VWC2: variants seen among roughly 807,000 people sequenced by gnomAD.
VWC2 encodes the protein brorin.
Under a neutral mutation model 29.8 loss-of-function variants are expected in VWC2, and 14 were observed. The observed-to-expected ratio is 0.47, with a 90% confidence interval of 0.31 to 0.74. The LOEUF (loss-of-function observed/expected upper bound fraction) is 0.74, where lower values mean the gene tolerates loss of function less well. Among genes scored for constraint, VWC2 ranks in the 30% least tolerant of loss-of-function variants. The pLI is 0.05. For synonymous variants in VWC2, 213 were observed against 199.0 expected, an observed-to-expected ratio of 1.07 and a Z score of -0.59; for missense variants, 457 against 459.8, an observed-to-expected ratio of 0.99 and a Z score of 0.05.
In VWC2 at chr7:49,916,598, T is replaced by C. The variant is rs554407531; in HGVS notation, c.*4413T>C. 1 of 152,350 alleles carries C rather than the reference T, an allele frequency of 6.6e-6. No individual in the cohort carries two copies. Among genetic ancestry groups the C allele is most frequent in the Non-Finnish European group, 1.5e-5 (1 of 68,030 alleles). The allele number at this position is 152,350 out of a possible 1,614,324, so 9.4% of individuals were successfully genotyped here. A position where few individuals can be genotyped will look rare whatever the true frequency, so the allele number is the denominator to read the frequency against. On this transcript the variant is annotated 3_prime_UTR_variant, in exon 4 of 4. Transcript: ENST00000340652. ...GCTTCTTCTATTATTTACAAATCCC[T>C]TTAGTTTGGGCTGTGAAATATTCAA...
intron 3 of VWC2, among the ~76,000 whole-genome samples, chr7:49,834,224 C>A (rs1789606072): frequency 6.6e-6 from 1 of 152,128 alleles, no homozygotes; most frequent in South Asian, 2.1e-4. Flanking sequence ...GTTATGTGGG[C>A]CTTGAGGCAA....
Position 49,775,853 on chromosome 7 carries a change from G to C in VWC2, c.418G>C (p.Glu140Gln), listed in dbSNP as rs1481376656. The C allele has an allele frequency of 3.2e-6, 5 of 1,552,760 alleles. No individual in the cohort carries two copies. The highest frequency in any genetic ancestry group is 4.4e-6 in the Non-Finnish European group (5 of 1,149,102). The stretch of plus-strand genomic sequence containing the variant: ...TGGCCCGGAACTCGCGCCCACGCCC[G>C]AGCCACCCGAGGAGTACGTGTACCC... ...AIGPELAPTP[E>Q]PPEEYVYPDY... Residue 140 changes from glutamate to glutamine, a missense_variant, in exon 2 of 4, where the codon GAG becomes CAG. Physicochemically the swap from Glu to Gln is conservative, Grantham distance 29. Transcript: ENST00000340652.
rs978417986 is a variant in VWC2, at chr7:49,775,544, G to T, written c.109G>T (p.Ala37Ser). Residue 37 changes from alanine to serine, a missense_variant, in exon 2 of 4, where the codon GCC becomes TCC. Physicochemically the swap from Ala to Ser is moderately conservative, Grantham distance 99. This residue lies in a region of VWC2 where 272 missense variants were observed against 202.7 expected (regional missense o/e 1.34). Coordinates refer to ENST00000340652, the MANE Select transcript of VWC2 (RefSeq NM_198570.5). ...TCCGAGCATCCCGCTGGAGAAGCTG[G>T]CCCAGGCACCAGAGCAGCCGGGCCA... ...CSPSIPLEKLAQAPEQPGQEK... is the reference protein window; with the variant it reads ...CSPSIPLEKLSQAPEQPGQEK... 3.5e-5 allele frequency: 55 copies of T among 1,563,446 alleles called. No individual in the cohort carries two copies. The highest frequency in any genetic ancestry group is 4.7e-5 in the Non-Finnish European group (54 of 1,158,456).
At position 49,917,885 on chromosome 7, in the gene VWC2, T is replaced by C. The variant is rs1253250016; in HGVS notation, c.*5700T>C. 6.6e-6 allele frequency: 1 copy of C among 152,184 alleles called. No homozygotes were observed. The highest frequency in any genetic ancestry group is 1.9e-4 in the East Asian group (1 of 5,200). The allele number at this position is 152,184 out of a possible 1,614,324, so 9.4% of individuals were successfully genotyped here. A position where few individuals can be genotyped will look rare whatever the true frequency, so the allele number is the denominator to read the frequency against. On this transcript the variant is annotated 3_prime_UTR_variant, in exon 4 of 4. Transcript: ENST00000340652. ...CATTCCCTTTACTTTTATATTTACA[T>C]TGTCAAATAAATACAATTCTATTTT...
At chr7:49,896,108 A>G (rs987332953) in intron 3 of VWC2, among the ~76,000 whole-genome samples, 19 of 152,198 alleles carry the variant, frequency 1.2e-4, no homozygotes, top group Non-Finnish European at 5.9e-5. Context: ...TGGGAGGCCA[A>G]AGTGGGTGGA....
chr7:49,893,267 C>T (rs950994983), intron 3 of VWC2, among the ~76,000 whole-genome samples: 19 of 152,034 alleles, frequency 1.2e-4, no homozygotes, highest in African/African-American at 3.4e-4. Flanking sequence ...ATCTAGAATA[C>T]GGCATGTTCC....
At chr7:49,821,657 C>A (rs1789264059) in intron 3 of VWC2, among the ~76,000 whole-genome samples, 1 of 150,090 alleles carries the variant, frequency 6.7e-6, no homozygotes, top group African/African-American at 2.5e-5. Flanking sequence ...CAAATCTATT[C>A]TTGGATGAAA....
At position 49,904,736 on chromosome 7, in the gene VWC2, AT is replaced by A. The variant is rs5884134; in HGVS notation, c.827-7281del. Among the ~76,000 whole-genome samples the A allele has an allele frequency of 9.5e-3, 1,317 of 138,954 alleles. 13 individuals are homozygous for A. Among genetic ancestry groups the A allele is most frequent in the African/African-American group, 0.024 (902 of 37,480 alleles). 91.2% of individuals were successfully genotyped at this position (138,954 alleles called of 152,430 possible). A position where few individuals can be genotyped will look rare whatever the true frequency, so the allele number is the denominator to read the frequency against. ...AAAAATAGCAACATAGCATATATTAATTTTTTTTTTTTTTTTTGAGATGGAG... is the reference window on the plus strand; with the variant it reads ...AAAAATAGCAACATAGCATATATTAATTTTTTTTTTTTTTTTGAGATGGAG... On this transcript the variant is annotated intron_variant, in intron 3 of 3. Coordinates refer to ENST00000340652, the MANE Select transcript of VWC2 (RefSeq NM_198570.5).
chr7:49,796,593 G>A (rs1249138409), intron 2 of VWC2, among the ~76,000 whole-genome samples: 1 of 152,206 alleles, frequency 6.6e-6, no homozygotes, highest in African/African-American at 2.4e-5. Context: ...GGTGAGGGTT[G>A]CTGCTGTTGC....
chr7:49,801,657 G>A (rs914183551), intron 2 of VWC2, among the ~76,000 whole-genome samples: 2 of 152,246 alleles, frequency 1.3e-5, no homozygotes, highest in Non-Finnish European at 2.9e-5. Flanking sequence ...GCATCGTGAT[G>A]CTGGATAGTG....
At chr7:49,832,424 G>GA (rs924056135) in intron 3 of VWC2, among the ~76,000 whole-genome samples, 4 of 152,044 alleles carry the variant, frequency 2.6e-5, no homozygotes, top group South Asian at 2.1e-4. Flanking sequence ...TATTTTCTGA[G>GA]AAATAGAATG....
chr7:49,885,215 T>C (rs1372652680), intron 3 of VWC2, among the ~76,000 whole-genome samples: 1 of 152,124 alleles, frequency 6.6e-6, no homozygotes, highest in African/African-American at 2.4e-5. Context: ...CAGAGAAGTT[T>C]TAATGTAACT....
At chr7:49,789,783 A>G (rs1004585354) in intron 2 of VWC2, among the ~76,000 whole-genome samples, 1 of 152,180 alleles carries the variant, frequency 6.6e-6, no homozygotes, top group Admixed American at 6.5e-5. Context: ...TCTTTCTCTT[A>G]CGGGCTTAAT....
intron 2 of VWC2, among the ~76,000 whole-genome samples, chr7:49,787,840 G>A (rs1000588250): frequency 3.3e-5 from 5 of 152,154 alleles, no homozygotes; most frequent in African/African-American, 1.2e-4. Flanking sequence ...TCATGTCTGG[G>A]CTCCCAGTCC....
At chr7:49,806,380 G>A (rs1788878832) in intron 3 of VWC2, among the ~76,000 whole-genome samples, 1 of 152,172 alleles carries the variant, frequency 6.6e-6, no homozygotes, top group Non-Finnish European at 1.5e-5. Context: ...CTTCTCAAAG[G>A]TGGAATATGG....
At chr7:49,780,882 C>A (rs1788159644) in intron 2 of VWC2, among the ~76,000 whole-genome samples, 1 of 152,184 alleles carries the variant, frequency 6.6e-6, no homozygotes, top group African/African-American at 2.4e-5. Context: ...AACCCCACTG[C>A]AAAATCTTAT....
chr7:49,905,058 T>A (rs548142138), intron 3 of VWC2, among the ~76,000 whole-genome samples: 37 of 152,296 alleles, frequency 2.4e-4, no homozygotes, highest in Non-Finnish European at 4.4e-4. Context: ...CTAATTGTTA[T>A]CTGAATAATC....
chr7:49,776,382 T>C (rs930180896), intron 2 of VWC2, among the ~76,000 whole-genome samples: 7 of 152,246 alleles, frequency 4.6e-5, no homozygotes, highest in Non-Finnish European at 8.8e-5. Context: ...ATGAAGCCTA[T>C]GGCACTGAAG....
chr7:49,842,099 C>A (rs1789807697), intron 3 of VWC2, among the ~76,000 whole-genome samples: 1 of 152,134 alleles, frequency 6.6e-6, no homozygotes, highest in African/African-American at 2.4e-5. Flanking sequence ...AACTCCTGAC[C>A]TCAGGTGATC....
Sources: allele counts gnomAD v4.1 joint callset (sites outside exome capture counted in the v4.1 genomes callset), GRCh38; gene constraint gnomAD v4.1.1; regional missense constraint gnomAD v4.1.1; transcripts MANE v1.5; gene names NCBI Gene and HGNC (gene_info 2026-07-23, HGNC 2026-07-21).